Variants in RIMS2 observed in about 807,000 individuals in gnomAD.
RIMS2 encodes the protein regulating synaptic membrane exocytosis protein 2.
A neutral mutation model predicts 174.4 loss-of-function variants in RIMS2; 59 were observed. That is an observed-to-expected ratio of 0.34 (90% CI 0.27 to 0.42). RIMS2 has a LOEUF of 0.42. Among genes scored for constraint, RIMS2 ranks in the 10% least tolerant of loss-of-function variants. The probability of loss-of-function intolerance (pLI) is 1.00; values close to 1 mark genes in which losing one functional copy is unlikely to be tolerated. For synonymous variants in RIMS2, 606 were observed against 572.5 expected (o/e 1.06, Z -0.84); for missense variants, 1,620 against 1,666.3 (o/e 0.97, Z 0.48).
At chr8:103,787,783 C>T (rs138178483) in intron 3 of RIMS2, among the ~76,000 whole-genome samples, 285 of 152,134 alleles carry the variant, frequency 1.9e-3, no homozygotes, top group Non-Finnish European at 2.7e-3. Flanking sequence ...ATCTTTGTGG[C>T]GTTCTCTGTA....
intron 19 of RIMS2, among the ~76,000 whole-genome samples, chr8:104,155,511 T>G (rs2098717846): frequency 6.8e-6 from 1 of 148,038 alleles, no homozygotes; most frequent in Non-Finnish European, 1.5e-5. Context: ...TCTCCCAGGT[T>G]CATGCCATTC....
chr8:103,779,154 G>GC (rs1185389952), intron 3 of RIMS2, among the ~76,000 whole-genome samples: 1 of 152,034 alleles, frequency 6.6e-6, no homozygotes, highest in African/African-American at 2.4e-5. Flanking sequence ...TCAATTCCTT[G>GC]CTACATGGAT....
intron 3 of RIMS2, among the ~76,000 whole-genome samples, chr8:103,847,774 A>G (rs2098975415): frequency 6.6e-6 from 1 of 152,008 alleles, no homozygotes; most frequent in South Asian, 2.1e-4. Context: ...TTGACAGATG[A>G]GGCATTCAGC....
At position 103,828,258 on chromosome 8, in the gene RIMS2, G is replaced by T. The variant is rs2098803839; in HGVS notation, c.699-57040G>T. 3.9e-5 allele frequency among the ~76,000 whole-genome samples: 6 copies of T among 152,274 alleles called. No individual in the cohort carries two copies. In the South Asian group the frequency reaches 1.2e-3, roughly 32 times the overall value. ...CTATTGGATGAACAGTTGGTATCAAGATTGGTGTTATTTATCCCTTAAATA... is the reference window on the plus strand; with the variant it reads ...CTATTGGATGAACAGTTGGTATCAATATTGGTGTTATTTATCCCTTAAATA... On this transcript the variant is annotated intron_variant, in intron 3 of 23. Coordinates refer to ENST00000504942, the Ensembl canonical transcript of RIMS2.
At chr8:104,049,247 C>A (rs1437585542) in intron 19 of RIMS2, among the ~76,000 whole-genome samples, 2 of 151,752 alleles carry the variant, frequency 1.3e-5, no homozygotes, top group African/African-American at 4.8e-5. Context: ...ACGGTGAAAC[C>A]CCATCTCTAC....
chr8:104,124,262 G>T (rs2098410304), intron 19 of RIMS2, among the ~76,000 whole-genome samples: 2 of 152,100 alleles, frequency 1.3e-5, no homozygotes, highest in Non-Finnish European at 2.9e-5. Flanking sequence ...AGGAAAATGT[G>T]AATAGCTGGG....
chr8:103,834,520 C>G (rs1294784162), intron 3 of RIMS2, among the ~76,000 whole-genome samples: 1 of 151,132 alleles, frequency 6.6e-6, no homozygotes, highest in Non-Finnish European at 1.5e-5. Flanking sequence ...TTGAAGTCTT[C>G]TTATGTATGC....
chr8:103,592,068 A>T (rs1229732716), intron 1 of RIMS2, among the ~76,000 whole-genome samples: 2 of 151,216 alleles, frequency 1.3e-5, no homozygotes, highest in Non-Finnish European at 3.0e-5. Flanking sequence ...ATGTTCTTGC[A>T]GAATCTTAGG....
rs777709811 is a variant in RIMS2 at position 103,823,230 on chromosome 8, AAC to A, written c.698+56695_698+56696del. Reference sequence around the variant, plus strand: ...GAATTTATTTAGAGTAGATATTAAAAACAGTCTTTCTCTCCGTATACGTACAA... The same window carrying A: ...GAATTTATTTAGAGTAGATATTAAAAAGTCTTTCTCTCCGTATACGTACAA... On this transcript the variant is annotated intron_variant, in intron 3 of 23. Transcript: ENST00000504942. Among the ~76,000 whole-genome samples, 12 of 152,096 alleles carry A rather than the reference AAC, an allele frequency of 7.9e-5. No individual in the cohort carries two copies. The East Asian group carries it at 2.3e-3, about 29-fold the overall frequency.
At chr8:103,866,651 C>T (rs183877423) in intron 3 of RIMS2, among the ~76,000 whole-genome samples, 2 of 152,160 alleles carry the variant, frequency 1.3e-5, no homozygotes, top group East Asian at 3.9e-4. Flanking sequence ...CTTTCATAAA[C>T]TTTTGGATTA....
chr8:103,842,558 A>G (rs924928817), intron 3 of RIMS2, among the ~76,000 whole-genome samples: 4 of 152,152 alleles, frequency 2.6e-5, no homozygotes, highest in African/African-American at 9.7e-5. Flanking sequence ...TCACTCTGAA[A>G]GATTTCCTGA....
Position 104,197,763 on chromosome 8 carries a change from G to C in RIMS2, c.3335-47153G>C, listed in dbSNP as rs147797007. ...CAGGGACAGAGAGTTGGAGGTTAAG[G>C]GGGGTATAGGTGGATGGAAAAGGAG... On this transcript the variant is annotated intron_variant, in intron 19 of 23. Coordinates refer to ENST00000504942, the Ensembl canonical transcript of RIMS2. Among the ~76,000 whole-genome samples the C allele has an allele frequency of 4.6e-4, 70 of 152,096 alleles. 1 individual carries two copies. In the Middle Eastern group the frequency reaches 0.017, roughly 37 times the overall value.
At chr8:103,766,044 A>G (rs1054024901) in intron 2 of RIMS2, among the ~76,000 whole-genome samples, 183 bp from the exon 6 acceptor site, 1 of 152,170 alleles carries the variant, frequency 6.6e-6, no homozygotes, top group Non-Finnish European at 1.5e-5. Context: ...TTTCATTAGA[A>G]TTATTCAGAA....
chr8:104,251,629 A>G, exon 24 of RIMS2: 1 of 1,607,262 alleles, frequency 6.2e-7, no homozygotes, highest in Non-Finnish European at 8.5e-7. Flanking sequence ...TTATGGCCGC[A>G]TGGATCACAA....
chr8:103,786,077 T>C (rs1438974849), intron 3 of RIMS2, among the ~76,000 whole-genome samples: 4 of 152,158 alleles, frequency 2.6e-5, no homozygotes, highest in Non-Finnish European at 5.9e-5. Flanking sequence ...TGTAGTATTC[T>C]CTGATGGTAG....
chr8:103,583,226 G>A (rs914230291), intron 1 of RIMS2, among the ~76,000 whole-genome samples: 1 of 152,306 alleles, frequency 6.6e-6, no homozygotes, highest in Middle Eastern at 3.4e-3. Context: ...CAGTGTTACT[G>A]GGCTTGGGGT....
At chr8:103,637,796 C>G (rs563898753) in intron 1 of RIMS2, among the ~76,000 whole-genome samples, 32 of 151,470 alleles carry the variant, frequency 2.1e-4, no homozygotes, top group Admixed American at 7.2e-4. Flanking sequence ...ACTTTCTTTT[C>G]CAGGATTCAA....
chr8:103,605,785 C>T (rs1379058904), intron 1 of RIMS2, among the ~76,000 whole-genome samples: 1 of 151,976 alleles, frequency 6.6e-6, no homozygotes, highest in African/African-American at 2.4e-5. Flanking sequence ...AGTTTATTTG[C>T]ATAGAGGTGT....
chr8:103,619,953 T>G (rs2095597384), intron 1 of RIMS2, among the ~76,000 whole-genome samples: 1 of 152,158 alleles, frequency 6.6e-6, no homozygotes, highest in Non-Finnish European at 1.5e-5. Context: ...GCCAAATATT[T>G]TAACATCTAT....
Sources: allele counts gnomAD v4.1 joint callset (sites outside exome capture counted in the v4.1 genomes callset), GRCh38; gene constraint gnomAD v4.1.1; transcripts MANE v1.5; gene names NCBI Gene and HGNC (gene_info 2026-07-23, HGNC 2026-07-21).